The following POU2F1 variants were observed in gnomAD, a reference collection of about 807,000 sequenced individuals.
The protein encoded by POU2F1 is POU class 2 homeobox 1, also known as POU domain, class 2, transcription factor 1.
POU2F1 carries 16 observed loss-of-function variants against 84.9 expected under a neutral mutation model. The ratio of observed to expected loss-of-function variants is 0.19; its 90% CI spans 0.13 to 0.29. POU2F1 has a LOEUF of 0.29. Ranked by LOEUF, POU2F1 falls within the 10% of genes least tolerant of loss-of-function variation. The pLI, the probability that POU2F1 is intolerant of heterozygous loss-of-function variation, is 1.00. For missense variants in POU2F1, 738 were observed against 942.6 expected (o/e 0.78, Z 2.84); for synonymous variants, 368 against 368.3 (o/e 1.00, Z 0.01).
chr1:167,222,083 G>T (rs1406802404), intron 1 of POU2F1, among the ~76,000 whole-genome samples: 1 of 152,154 alleles, frequency 6.6e-6, no homozygotes, highest in Non-Finnish European at 1.5e-5. Context: ...GCCCTCCGGG[G>T]CCTCTCGCTC....
chr1:167,395,349 G>GC (rs1267169311), intron 9 of POU2F1, among the ~76,000 whole-genome samples: 2 of 152,090 alleles, frequency 1.3e-5, no homozygotes, highest in African/African-American at 4.8e-5. Flanking sequence ...CTATTTCTAT[G>GC]ATGGTTACAA....
chr1:167,264,265 T>C (rs781027001), intron 1 of POU2F1, among the ~76,000 whole-genome samples: 1 of 152,062 alleles, frequency 6.6e-6, no homozygotes, highest in Non-Finnish European at 1.5e-5. Context: ...GAAATGAATT[T>C]TAAGCTGAGA....
chr1:167,371,812 C>T, intron 4 of POU2F1, 105 bp from the exon 5 acceptor site: 2 of 1,486,086 alleles, frequency 1.3e-6, no homozygotes, highest in Non-Finnish European at 1.9e-6. Flanking sequence ...GAACTCATGA[C>T]TGAATAAGCT....
chr1:167,288,002 C>T (rs1653654542), intron 1 of POU2F1, among the ~76,000 whole-genome samples: 1 of 152,152 alleles, frequency 6.6e-6, no homozygotes, highest in South Asian at 2.1e-4. Flanking sequence ...AAGATAACTG[C>T]CAACCTTAAA....
intron 1 of POU2F1, among the ~76,000 whole-genome samples, chr1:167,287,948 G>A (rs920423435): frequency 2.0e-5 from 3 of 152,246 alleles, no homozygotes; most frequent in South Asian, 4.1e-4. Flanking sequence ...ACTCAGTAGC[G>A]ATGATGGAAG....
At chr1:167,347,728 A>G (rs549039990) in intron 2 of POU2F1, among the ~76,000 whole-genome samples, 1 of 152,162 alleles carries the variant, frequency 6.6e-6, no homozygotes, top group Admixed American at 6.5e-5. Context: ...ACCAACCTAT[A>G]GTTTGTCTCT....
intron 1 of POU2F1, among the ~76,000 whole-genome samples, chr1:167,269,171 TAAAAA>T (rs531485280): frequency 6.6e-6 from 1 of 151,920 alleles, no homozygotes; most frequent in African/African-American, 2.4e-5. Context: ...AGTGGGAAAT[TAAAAA>T]AAAGAAGTAA....
At chr1:167,308,103 G>A (rs1465271254) in intron 1 of POU2F1, among the ~76,000 whole-genome samples, 1 of 148,182 alleles carries the variant, frequency 6.7e-6, no homozygotes, top group Admixed American at 6.8e-5. Flanking sequence ...GCCTTGCTCT[G>A]TCACCCAGGC....
intron 2 of POU2F1, among the ~76,000 whole-genome samples, chr1:167,343,202 C>G (rs757854353): frequency 2.6e-5 from 4 of 151,878 alleles, no homozygotes; most frequent in Non-Finnish European, 4.4e-5. Flanking sequence ...TGAAGCTGTG[C>G]GAATAGGAAG....
rs112233626 is a variant in POU2F1, at chr1:167,281,099, G to C, written c.62-51371G>C. Among the ~76,000 whole-genome samples the C allele has an allele frequency of 9.8e-3, 1,485 of 152,294 alleles. 26 individuals carry two copies. Among genetic ancestry groups the C allele is most frequent in the African/African-American group, 0.034 (1,410 of 41,558 alleles). ...GGTGGAGTGTTTAGTCTTCATTTGTGACTGGTTTAAATGAATAGATACAGT... is the reference window on the plus strand; with the variant it reads ...GGTGGAGTGTTTAGTCTTCATTTGTCACTGGTTTAAATGAATAGATACAGT... On this transcript the variant is annotated intron_variant, in intron 1 of 15. Transcript: ENST00000367866.
chr1:167,391,130 G>A (rs534703817), intron 9 of POU2F1, among the ~76,000 whole-genome samples: 2 of 152,256 alleles, frequency 1.3e-5, no homozygotes, highest in Admixed American at 6.5e-5. Context: ...TTTAGAGACA[G>A]GGTCTCGCTA....
At chr1:167,273,289 C>G (rs1447666564) in intron 1 of POU2F1, among the ~76,000 whole-genome samples, 1 of 152,208 alleles carries the variant, frequency 6.6e-6, no homozygotes, top group Middle Eastern at 3.2e-3. Context: ...ACAGAACAAG[C>G]CGTCAGTAGA....
intron 1 of POU2F1, among the ~76,000 whole-genome samples, chr1:167,270,489 G>T (rs1486132141): frequency 6.6e-6 from 1 of 152,158 alleles, no homozygotes; most frequent in Non-Finnish European, 1.5e-5. Flanking sequence ...CATTCCTGTT[G>T]TCTGTGTAGG....
At chr1:167,323,400 A>G (rs1208594228) in intron 1 of POU2F1, among the ~76,000 whole-genome samples, 2 of 152,206 alleles carry the variant, frequency 1.3e-5, no homozygotes, top group African/African-American at 4.8e-5. Context: ...TAGATGAGCT[A>G]TGTATATAGC....
intron 1 of POU2F1, among the ~76,000 whole-genome samples, chr1:167,300,291 G>A (rs756633377): frequency 1.3e-5 from 2 of 152,148 alleles, no homozygotes; most frequent in Non-Finnish European, 2.9e-5. Context: ...AGGAGAGCAA[G>A]GGTTAAAAAA....
chr1:167,315,508 G>T (rs533549865), intron 1 of POU2F1, among the ~76,000 whole-genome samples: 48 of 152,312 alleles, frequency 3.2e-4, no homozygotes, highest in African/African-American at 8.9e-4. Context: ...GAGCATGGTG[G>T]CTCATGCCTG....
intron 1 of POU2F1, among the ~76,000 whole-genome samples, chr1:167,248,684 G>A (rs1274322125): frequency 1.3e-5 from 2 of 152,146 alleles, no homozygotes; most frequent in Non-Finnish European, 2.9e-5. Flanking sequence ...AGGCGGTTGA[G>A]GGGAGTATGT....
chr1:167,410,448 A>G (rs114238590), intron 13 of POU2F1, among the ~76,000 whole-genome samples: 2 of 152,346 alleles, frequency 1.3e-5, no homozygotes, highest in Non-Finnish European at 2.9e-5. Context: ...ATTTGTAACA[A>G]GATTGTTATG....
chr1:167,354,927 A>G (rs1049006134), intron 2 of POU2F1, among the ~76,000 whole-genome samples: 1 of 152,166 alleles, frequency 6.6e-6, no homozygotes, highest in African/African-American at 2.4e-5. Flanking sequence ...TCTGAATACT[A>G]ATCCTTTGTT....
Sources: gnomAD v4.1 joint callset for allele counts (sites outside exome capture counted in the v4.1 genomes callset) on GRCh38, gnomAD v4.1.1 for gene constraint, MANE v1.5 for transcripts, NCBI Gene and HGNC (gene_info 2026-07-23, HGNC 2026-07-21) for gene names.